ANXA8: variants seen among roughly 807,000 people sequenced by gnomAD.
The protein encoded by ANXA8 is annexin A8.
Under a neutral mutation model 26.8 loss-of-function variants are expected in ANXA8, and 9 were observed. The ratio of observed to expected loss-of-function variants is 0.34; its 90% CI spans 0.20 to 0.59. ANXA8 has a LOEUF of 0.59. Ranked by LOEUF, ANXA8 falls within the 20% of genes least tolerant of loss-of-function variation. The pLI is 0.84. For synonymous variants in ANXA8, 39 were observed against 94.8 expected, an observed-to-expected ratio of 0.41 and a Z score of 3.42; for missense variants, 83 against 238.5, an observed-to-expected ratio of 0.35 and a Z score of 4.29.
At chr10:47,699,470 G>C in the ANXA8 span, among the ~76,000 whole-genome samples, 3 of 150,408 alleles carry the variant, frequency 2.0e-5, no homozygotes, top group African/African-American at 7.4e-5. Flanking sequence ...GGGAATCAAA[G>C]TTAAAACAAA....
chr10:47,507,410 GA>G, the ANXA8 span: 2 of 1,055,122 alleles, frequency 1.9e-6, no homozygotes, highest in Non-Finnish European at 2.6e-6. Context: ...AAGGAACAAA[GA>G]AAATACAAAT....
chr10:47,503,937 C>CAAAAAAAAAAAAAAAAAAAAAAAAAA, the ANXA8 span, among the ~76,000 whole-genome samples: 1 of 23,442 alleles, frequency 4.3e-5, no homozygotes, highest in Admixed American at 6.9e-4. Flanking sequence ...GAGAGTCCAT[C>CAAAAAAAAAAAAAAAAAAAAAAAAAA]AAAAAAAAAA....
intron 7 of ANXA8, 73 bp from the exon 8 acceptor site, chr10:47,474,471 G>A (rs1839438229): frequency 9.6e-7 from 1 of 1,043,888 alleles, no homozygotes; most frequent in Non-Finnish European, 1.4e-6. Context: ...CAGAGTCCCA[G>A]AGCTGTGGCC....
chr10:47,534,608 T>C, the ANXA8 span, among the ~76,000 whole-genome samples: 6 of 130,048 alleles, frequency 4.6e-5, no homozygotes, highest in Non-Finnish European at 9.7e-5. Context: ...TTAGGTATTT[T>C]GGATATTTTT....
chr10:47,659,045 C>A, the ANXA8 span, among the ~76,000 whole-genome samples: 2 of 151,464 alleles, frequency 1.3e-5, no homozygotes, highest in South Asian at 4.1e-4. Context: ...CTGATTTTTT[C>A]TATTTTTAGT....
At chr10:47,951,116 T>G in the ANXA8 span, among the ~76,000 whole-genome samples, 2 of 149,738 alleles carry the variant, frequency 1.3e-5, no homozygotes, top group African/African-American at 5.0e-5. Context: ...GAATAAAAAT[T>G]ACAGACTATG....
At chr10:47,679,937 A>G in the ANXA8 span, among the ~76,000 whole-genome samples, 2 of 151,918 alleles carry the variant, frequency 1.3e-5, no homozygotes, top group East Asian at 1.9e-4. Context: ...ACATAAACCA[A>G]TGTTACAATG....
At chr10:47,971,109 G>C in the ANXA8 span, among the ~76,000 whole-genome samples, 1 of 151,252 alleles carries the variant, frequency 6.6e-6, no homozygotes, top group South Asian at 2.1e-4. Flanking sequence ...AGAGTCTATG[G>C]GACCTGAGTG....
chr10:47,970,857 G>A, the ANXA8 span, among the ~76,000 whole-genome samples: 1 of 151,252 alleles, frequency 6.6e-6, no homozygotes, highest in South Asian at 2.1e-4. Context: ...TGCTGAGGGA[G>A]GTGCCAGCTA....
At chr10:47,548,972 A>G in the ANXA8 span, among the ~76,000 whole-genome samples, 1 of 152,294 alleles carries the variant, frequency 6.6e-6, no homozygotes, top group African/African-American at 2.4e-5. Context: ...CCAAGAAGAA[A>G]TGGTACTTAC....
At chr10:47,607,299 T>C in the ANXA8 span, among the ~76,000 whole-genome samples, 4 of 130,726 alleles carry the variant, frequency 3.1e-5, no homozygotes, top group Non-Finnish European at 6.3e-5. Context: ...TTTATAGATA[T>C]ATTAATTTTA....
chr10:47,535,544 T>C, the ANXA8 span, among the ~76,000 whole-genome samples: 15 of 146,120 alleles, frequency 1.0e-4, no homozygotes, highest in Non-Finnish European at 2.1e-4. Context: ...AAAAAGGAGT[T>C]GGCAGTATGA....
At chr10:47,564,850 C>T in the ANXA8 span, 4 of 1,114,508 alleles carry the variant, frequency 3.6e-6, no homozygotes, top group South Asian at 1.3e-5. Context: ...GCAACTCCTG[C>T]CCCAAGCCTG....
chr10:47,529,052 G>A, the ANXA8 span, among the ~76,000 whole-genome samples: 5 of 144,586 alleles, frequency 3.5e-5, no homozygotes, highest in African/African-American at 1.0e-4. Flanking sequence ...AATAGTGCCC[G>A]TATTTCTGTA....
At chr10:47,733,220 T>C in the ANXA8 span, among the ~76,000 whole-genome samples, 1 of 71,942 alleles carries the variant, frequency 1.4e-5, no homozygotes, top group Non-Finnish European at 2.8e-5. Flanking sequence ...TTTCTTTCTT[T>C]CTCTTTCTTT....
chr10:47,743,301 T>TATATATATACAC, the ANXA8 span, among the ~76,000 whole-genome samples: 4 of 41,328 alleles, frequency 9.7e-5, no homozygotes, highest in African/African-American at 2.4e-4. Flanking sequence ...TATACACATA[T>TATATATATACAC]ATATATATAT....
chr10:47,955,204 T>C, the ANXA8 span, among the ~76,000 whole-genome samples: 644 of 149,610 alleles, frequency 4.3e-3, 10 homozygotes, highest in Middle Eastern at 7.0e-3. Context: ...AGACGCGACT[T>C]GCTCCTCCTT....
the ANXA8 span, among the ~76,000 whole-genome samples, chr10:47,646,755 C>T: frequency 6.6e-6 from 1 of 152,026 alleles, no homozygotes; most frequent in Non-Finnish European, 1.5e-5. Context: ...CTAAAATAGC[C>T]CCACATACTT....
chr10:47,896,834 A>G, the ANXA8 span, among the ~76,000 whole-genome samples: 20 of 152,122 alleles, frequency 1.3e-4, no homozygotes, highest in Non-Finnish European at 2.5e-4. Context: ...CAAACAAGAC[A>G]TAAACAATTG....
Sources: allele counts gnomAD v4.1 joint callset (sites outside exome capture counted in the v4.1 genomes callset), GRCh38; gene constraint gnomAD v4.1.1; transcripts MANE v1.5; gene names NCBI Gene and HGNC (gene_info 2026-07-23, HGNC 2026-07-21).